Variants in KSR2 observed in about 807,000 individuals in gnomAD.
KSR2 encodes kinase suppressor of ras 2.
In KSR2, 25 loss-of-function variants were observed where a neutral mutation model predicts 107.8. The ratio of observed to expected loss-of-function variants is 0.23; its 90% CI spans 0.17 to 0.32. The LOEUF is 0.32. KSR2 is among the 10% of genes least tolerant of loss of function. The pLI is 1.00. For synonymous variants in KSR2, 480 were observed against 507.0 expected (o/e 0.95, Z 0.71); for missense variants, 887 against 1,268.9 (o/e 0.70, Z 4.57).
At chr12:117,694,671 A>C (rs1265426506) in intron 4 of KSR2, among the ~76,000 whole-genome samples, 1 of 152,166 alleles carries the variant, frequency 6.6e-6, no homozygotes, top group African/African-American at 2.4e-5. Flanking sequence ...AAGCAACCCA[A>C]GTGTTCACTG....
chr12:117,887,206 G>A lies in KSR2; in HGVS notation c.181-26775C>T, dbSNP rs146585119. Among the ~76,000 whole-genome samples, 81 of 152,196 alleles carry A rather than the reference G, an allele frequency of 5.3e-4. 1 individual carries two copies. The highest frequency in any genetic ancestry group is 1.8e-3 in the African/African-American group (74 of 41,530). ...CCCAAAGTACTGAGATTACAGGCCT[G>A]AGTCATCATGCCCAGCCGGATTTTT... On this transcript the variant is annotated intron_variant, in intron 1 of 19. Transcript: ENST00000339824.
intron 17 of KSR2, among the ~76,000 whole-genome samples, chr12:117,475,611 A>G (rs1871731055): frequency 6.6e-6 from 1 of 152,122 alleles, no homozygotes; most frequent in Non-Finnish European, 1.5e-5. Context: ...CATTTATCAT[A>G]CTTTGCTAAA....
At chr12:117,835,983 C>G (rs1892195991) in intron 3 of KSR2, among the ~76,000 whole-genome samples, 1 of 152,116 alleles carries the variant, frequency 6.6e-6, no homozygotes, top group African/African-American at 2.4e-5. Context: ...AGGAAGTACC[C>G]TCCGTAAACT....
intron 4 of KSR2, among the ~76,000 whole-genome samples, chr12:117,746,286 T>C (rs1433151034): frequency 1.3e-5 from 2 of 152,104 alleles, no homozygotes; most frequent in East Asian, 1.9e-4. Flanking sequence ...CACACATCTA[T>C]AACCATCTGA....
chr12:117,939,434 CG>C (rs1041726054), intron 1 of KSR2, among the ~76,000 whole-genome samples: 2 of 152,068 alleles, frequency 1.3e-5, no homozygotes, highest in African/African-American at 4.8e-5. Flanking sequence ...GTGGCTGGGT[CG>C]GGTGCGGTGG....
chr12:117,811,466 G>T (rs1387276725), intron 3 of KSR2, among the ~76,000 whole-genome samples: 1 of 152,228 alleles, frequency 6.6e-6, no homozygotes, highest in African/African-American at 2.4e-5. Flanking sequence ...GACATATGGA[G>T]TCAGAAATTC....
intron 3 of KSR2, among the ~76,000 whole-genome samples, chr12:117,776,694 A>G (rs1423750350): frequency 6.6e-6 from 1 of 152,060 alleles, no homozygotes; most frequent in African/African-American, 2.4e-5. Context: ...TCAAAGGCAC[A>G]ATACCCTGAA....
chr12:117,715,918 C>T (rs1316054772), intron 4 of KSR2, among the ~76,000 whole-genome samples: 1 of 152,190 alleles, frequency 6.6e-6, no homozygotes, highest in Non-Finnish European at 1.5e-5. Flanking sequence ...CATGCAAATG[C>T]TTTCCTGCCT....
At chr12:117,859,330 G>A (rs1004528129) in intron 2 of KSR2, among the ~76,000 whole-genome samples, 15 of 151,960 alleles carry the variant, frequency 9.9e-5, no homozygotes, top group African/African-American at 3.6e-4. Flanking sequence ...ACTTTCAGTA[G>A]AGACGGGGTT....
At chr12:117,967,010 T>C (rs1896818156) in intron 1 of KSR2, among the ~76,000 whole-genome samples, 1 of 152,094 alleles carries the variant, frequency 6.6e-6, no homozygotes. Flanking sequence ...CCAAATTTAA[T>C]CAACCCATGC....
At chr12:117,700,749 G>A (rs982994731) in intron 4 of KSR2, among the ~76,000 whole-genome samples, 2 of 152,180 alleles carry the variant, frequency 1.3e-5, no homozygotes, top group Non-Finnish European at 2.9e-5. Context: ...TCCTCAACGT[G>A]GGAGCAAATG....
chr12:117,662,396 T>G (rs1258316591), intron 5 of KSR2, among the ~76,000 whole-genome samples: 1 of 152,122 alleles, frequency 6.6e-6, no homozygotes, highest in Non-Finnish European at 1.5e-5. Flanking sequence ...CAGCGGCCGC[T>G]TTCTTGGGAG....
intron 5 of KSR2, among the ~76,000 whole-genome samples, chr12:117,600,948 T>C (rs1387707815): frequency 6.6e-6 from 1 of 152,162 alleles, no homozygotes; most frequent in Non-Finnish European, 1.5e-5. Flanking sequence ...TGAAGTCACA[T>C]CTCAGCTTTG....
chr12:117,592,708 T>C (rs1352647206), intron 5 of KSR2, among the ~76,000 whole-genome samples: 2 of 152,184 alleles, frequency 1.3e-5, no homozygotes, highest in African/African-American at 4.8e-5. Flanking sequence ...GCGTCAGGGA[T>C]TTTTAACCTT....
At chr12:117,581,815 G>T (rs1879681786) in intron 6 of KSR2, among the ~76,000 whole-genome samples, 1 of 152,136 alleles carries the variant, frequency 6.6e-6, no homozygotes, top group Non-Finnish European at 1.5e-5. Flanking sequence ...GTGTATTCTG[G>T]GTGAGAAGAC....
intron 5 of KSR2, among the ~76,000 whole-genome samples, chr12:117,660,461 C>T (rs1371169741): frequency 6.6e-6 from 1 of 152,180 alleles, no homozygotes; most frequent in Admixed American, 6.5e-5. Flanking sequence ...ATCTCTGTCC[C>T]TATCTTTACC....
chr12:117,880,121 G>A (rs1261441570), intron 1 of KSR2, among the ~76,000 whole-genome samples: 1 of 152,060 alleles, frequency 6.6e-6, no homozygotes, highest in Non-Finnish European at 1.5e-5. Flanking sequence ...ACTCCAGCCT[G>A]GGCAACAAGA....
intron 5 of KSR2, among the ~76,000 whole-genome samples, chr12:117,660,109 G>A (rs1884364762): frequency 6.6e-6 from 1 of 152,144 alleles, no homozygotes. Context: ...GGCATTTAAG[G>A]TGACACTGAG....
intron 14 of KSR2, among the ~76,000 whole-genome samples, chr12:117,498,789 T>C (rs2137170727): frequency 6.6e-6 from 1 of 152,320 alleles, no homozygotes; most frequent in South Asian, 2.1e-4. Flanking sequence ...GGAGTTTCCC[T>C]GCGCAAGTTT....
Sources: allele counts gnomAD v4.1 joint callset (sites outside exome capture counted in the v4.1 genomes callset), GRCh38; gene constraint gnomAD v4.1.1; transcripts MANE v1.5; gene names NCBI Gene and HGNC (gene_info 2026-07-23, HGNC 2026-07-21).